Variants in SPOCK3 observed in about 807,000 individuals in gnomAD.
SPOCK3 encodes testican-3.
A neutral mutation model predicts 56.6 loss-of-function variants in SPOCK3; 30 were observed. The ratio of observed to expected loss-of-function variants is 0.53; its 90% CI spans 0.40 to 0.72. The LOEUF is 0.72. SPOCK3 is among the 30% of genes least tolerant of loss of function. SPOCK3 has a pLI of 0.00. For missense variants in SPOCK3, 527 were observed against 530.0 expected (o/e 0.99, Z 0.06); for synonymous variants, 196 against 183.3 (o/e 1.07, Z -0.56).
At chr4:167,180,561 T>C (rs1403401324) in intron 2 of SPOCK3, among the ~76,000 whole-genome samples, 1 of 152,200 alleles carries the variant, frequency 6.6e-6, no homozygotes, top group Non-Finnish European at 1.5e-5. Flanking sequence ...CAAGAAATAC[T>C]GAGGTCTATA....
At chr4:167,194,033 A>G (rs1732705108) in intron 2 of SPOCK3, among the ~76,000 whole-genome samples, 2 of 152,116 alleles carry the variant, frequency 1.3e-5, no homozygotes, top group Non-Finnish European at 2.9e-5. Context: ...TAGGTCCAGT[A>G]TGTTTTCTAC....
chr4:167,126,457 G>T (rs1007527196), intron 2 of SPOCK3, among the ~76,000 whole-genome samples: 1 of 152,040 alleles, frequency 6.6e-6, no homozygotes, highest in Non-Finnish European at 1.5e-5. Flanking sequence ...GCTGAGGCAG[G>T]ATAATTGCTT....
At chr4:166,935,464 C>A (rs1157795287) in intron 4 of SPOCK3, among the ~76,000 whole-genome samples, 2 of 152,146 alleles carry the variant, frequency 1.3e-5, no homozygotes, top group East Asian at 3.9e-4. Flanking sequence ...TAATAAAGTT[C>A]TAGTTTAACA....
chr4:166,803,671 CAATATATTTGTGGCTTCA>C (rs1405332949), intron 6 of SPOCK3, among the ~76,000 whole-genome samples: 4 of 152,138 alleles, frequency 2.6e-5, no homozygotes, highest in African/African-American at 9.7e-5. Flanking sequence ...ACATTTGAAT[CAATATATTTGTGGCTTCA>C]AATATCTGCT....
At chr4:166,933,491 C>T (rs1740029622) in intron 4 of SPOCK3, among the ~76,000 whole-genome samples, 1 of 152,100 alleles carries the variant, frequency 6.6e-6, no homozygotes, top group Non-Finnish European at 1.5e-5. Flanking sequence ...ATGTTTTTCC[C>T]TCACCTCTCT....
At position 166,752,175 on chromosome 4, in the gene SPOCK3, C is replaced by A. The variant is rs115992276; in HGVS notation, c.931+2333G>T. On this transcript the variant is annotated intron_variant, in intron 8 of 10. Transcript: ENST00000357545. ...AAGTAGCTAGGACTACAGGCATGTA[C>A]CACCAATCCTGGCTAATTTTTGTGT... Among the ~76,000 whole-genome samples the A allele has an allele frequency of 3.2e-3, 494 of 152,010 alleles. 3 individuals are homozygous for A. Among genetic ancestry groups the A allele is most frequent in the African/African-American group, 0.011 (453 of 41,474 alleles).
At chr4:166,962,936 A>C (rs1744301798) in intron 4 of SPOCK3, among the ~76,000 whole-genome samples, 1 of 152,100 alleles carries the variant, frequency 6.6e-6, no homozygotes, top group Non-Finnish European at 1.5e-5. Flanking sequence ...CAACATGGTC[A>C]GTTCAAAATT....
At chr4:167,165,959 T>C (rs1344442648) in intron 2 of SPOCK3, among the ~76,000 whole-genome samples, 2 of 152,098 alleles carry the variant, frequency 1.3e-5, no homozygotes, top group African/African-American at 2.4e-5. Flanking sequence ...TCTTTATTTA[T>C]GAAACTGACT....
chr4:166,755,780 G>A (rs1388122257), intron 7 of SPOCK3, among the ~76,000 whole-genome samples: 1 of 149,572 alleles, frequency 6.7e-6, no homozygotes, highest in Non-Finnish European at 1.5e-5. Flanking sequence ...CTAATTTTAT[G>A]TTCTAGTAAT....
chr4:167,123,248 G>C (rs1456718230), intron 2 of SPOCK3, among the ~76,000 whole-genome samples: 1 of 151,984 alleles, frequency 6.6e-6, no homozygotes, highest in Non-Finnish European at 1.5e-5. Flanking sequence ...TTTTATATAT[G>C]AATGATATAT....
chr4:167,177,016 C>T (rs533641708), intron 2 of SPOCK3, among the ~76,000 whole-genome samples: 1 of 152,054 alleles, frequency 6.6e-6, no homozygotes, highest in African/African-American at 2.4e-5. Context: ...TCAAGATAGC[C>T]CCAATTTTAT....
chr4:166,920,039 G>A (rs1348625251), intron 4 of SPOCK3, among the ~76,000 whole-genome samples: 1 of 152,042 alleles, frequency 6.6e-6, no homozygotes, highest in Admixed American at 6.6e-5. Flanking sequence ...CATTTAAATT[G>A]TAAGGCTAGG....
At chr4:166,979,235 C>T (rs1746317323) in intron 4 of SPOCK3, among the ~76,000 whole-genome samples, 1 of 152,142 alleles carries the variant, frequency 6.6e-6, no homozygotes, top group Non-Finnish European at 1.5e-5. Flanking sequence ...CCTATACACA[C>T]ATCCATATGC....
intron 3 of SPOCK3, among the ~76,000 whole-genome samples, chr4:167,053,014 C>T (rs1296963418): frequency 6.6e-6 from 1 of 152,112 alleles, no homozygotes; most frequent in Non-Finnish European, 1.5e-5. Context: ...CAGATGAAAT[C>T]TTAACAGCTT....
At chr4:167,023,080 T>C (rs1399488064) in intron 3 of SPOCK3, among the ~76,000 whole-genome samples, 1 of 152,018 alleles carries the variant, frequency 6.6e-6, no homozygotes, top group Non-Finnish European at 1.5e-5. Flanking sequence ...ATTTTTTTTT[T>C]GGCTAAATGG....
chr4:167,050,106 G>T (rs1484074055), intron 3 of SPOCK3, among the ~76,000 whole-genome samples: 2 of 152,044 alleles, frequency 1.3e-5, no homozygotes, highest in Non-Finnish European at 2.9e-5. Context: ...TTTTCTTTGG[G>T]GGTTTTCTTG....
chr4:167,120,502 T>G (rs1411022154), intron 2 of SPOCK3, among the ~76,000 whole-genome samples: 1 of 152,038 alleles, frequency 6.6e-6, no homozygotes, highest in African/African-American at 2.4e-5. Context: ...GACTTGACAA[T>G]CTAGCATTGA....
intron 6 of SPOCK3, among the ~76,000 whole-genome samples, chr4:166,818,074 A>G (rs1744558948): frequency 6.6e-6 from 1 of 152,126 alleles, no homozygotes; most frequent in Non-Finnish European, 1.5e-5. Context: ...CTTTTGTCAG[A>G]TAACTGTTTT....
chr4:167,085,008 G>T (rs565983046), intron 2 of SPOCK3, among the ~76,000 whole-genome samples: 4 of 151,952 alleles, frequency 2.6e-5, no homozygotes, highest in Non-Finnish European at 5.9e-5. Flanking sequence ...GGGATCCAGG[G>T]TGATGGGTTC....
Sources: allele counts gnomAD v4.1 joint callset (sites outside exome capture counted in the v4.1 genomes callset), GRCh38; gene constraint gnomAD v4.1.1; transcripts MANE v1.5; gene names NCBI Gene and HGNC (gene_info 2026-07-23, HGNC 2026-07-21).